The following GUK1 variants were observed in gnomAD, a reference collection of about 807,000 sequenced individuals.
The protein encoded by GUK1 is guanylate kinase 1, also known as guanylate kinase.
Under a neutral mutation model 25.2 loss-of-function variants are expected in GUK1, and 18 were observed. The ratio of observed to expected loss-of-function variants is 0.71; its 90% CI spans 0.49 to 1.06. The LOEUF (loss-of-function observed/expected upper bound fraction) is 1.06. Ranked by LOEUF, GUK1 falls within the 50% of genes least tolerant of loss-of-function variation. The probability of loss-of-function intolerance (pLI) is 0.00; values close to 1 mark genes in which losing one functional copy is unlikely to be tolerated. For missense variants in GUK1, 261 were observed against 276.7 expected, an observed-to-expected ratio of 0.94 and a Z score of 0.40; for synonymous variants, 105 against 117.6, an observed-to-expected ratio of 0.89 and a Z score of 0.69.
rs1167154932 is a variant in GUK1 at position 228,147,497 on chromosome 1, C to T, written c.343C>T (p.Leu115=). 6.2e-7 allele frequency: 1 copy of T among 1,613,198 alleles called. No individual in the cohort carries two copies. The highest frequency in any genetic ancestry group is 8.5e-7 in the Non-Finnish European group (1 of 1,179,982). ...TGTGCGGAACATCAAGGCCACCGAT[C>T]TGCGGCCCATCTACATCTCTGTGCA... The change falls in exon 6 of 9, where the codon CTG becomes TTG. Residue 115 remains leucine (L), a synonymous_variant. Coordinates refer to ENST00000312726, the MANE Select transcript of GUK1 (RefSeq NM_000858.7).
rs2034460160 is a variant in GUK1 at position 228,147,641 on chromosome 1, T to C, written c.417T>C (p.Thr139=). Residue 139 remains threonine (T), a synonymous_variant, in exon 7 of 9, where the codon ACT becomes ACC. Transcript: ENST00000312726. ...AGCAGCGGCTGCGGCAGCGCAACAC[T>C]GAAACCGAGGAGAGCCTGGTGAAGC... 6.2e-7 allele frequency: 1 copy of C among 1,613,002 alleles called. No individual in the cohort carries two copies. Among genetic ancestry groups the C allele is most frequent in the Middle Eastern group, 1.6e-4 (1 of 6,062 alleles).
intron 2 of GUK1, chr1:228,141,338 C>A: frequency 1.2e-6 from 1 of 825,670 alleles, no homozygotes; most frequent in Non-Finnish European, 1.5e-6. Flanking sequence ...AAAATGAAAG[C>A]GCCCTGGCTG....
rs368005156 is a variant in GUK1 at position 228,146,983 on chromosome 1, G to T, written c.251+45G>T. ...GGGTGGGCTCCCAGGGTTGCTGTTGGCAACAGGGATCCAGGTAGTGCCTGC... is the reference window on the plus strand; with the variant it reads ...GGGTGGGCTCCCAGGGTTGCTGTTGTCAACAGGGATCCAGGTAGTGCCTGC... On this transcript the variant is annotated intron_variant, in intron 5 of 8. Transcript: ENST00000312726. 1.1e-5 allele frequency: 14 copies of T among 1,274,378 alleles called. No homozygotes were observed. The Admixed American group carries it at 1.8e-4, about 17-fold the overall frequency. The allele number at this position is 1,274,378 out of a possible 1,614,324, so 78.9% of individuals were successfully genotyped here. A position where few individuals can be genotyped will look rare whatever the true frequency, so the allele number is the denominator to read the frequency against.
chr1:228,143,321 A>G (rs2034163320), intron 2 of GUK1, among the ~76,000 whole-genome samples: 1 of 152,226 alleles, frequency 6.6e-6, no homozygotes, highest in South Asian at 2.1e-4. Flanking sequence ...ACAGGACAGA[A>G]GCTCACATGG....
chr1:228,140,334 C>T lies in GUK1; in HGVS notation c.-197C>T. The T allele has an allele frequency of 6.5e-7, 1 of 1,528,822 alleles. No homozygotes were observed. The highest frequency in any genetic ancestry group is 8.7e-7 in the Non-Finnish European group (1 of 1,144,624). 94.7% of individuals were successfully genotyped at this position (1,528,822 alleles called of 1,614,324 possible). A position where few individuals can be genotyped will look rare whatever the true frequency, so the allele number is the denominator to read the frequency against. ...CGGCGCCCGCTGGCCGGGCTGGCTGCGGCCGCCCTGGGCCGGGCCCCACCG... is the reference window on the plus strand; with the variant it reads ...CGGCGCCCGCTGGCCGGGCTGGCTGTGGCCGCCCTGGGCCGGGCCCCACCG... On this transcript the variant is annotated 5_prime_UTR_variant, in exon 1 of 9. Transcript: ENST00000312726.
intron 2 of GUK1, among the ~76,000 whole-genome samples, chr1:228,142,017 G>A (rs369448996): frequency 2.6e-5 from 4 of 152,394 alleles, no homozygotes; most frequent in African/African-American, 9.6e-5. Context: ...AAGATTGCAG[G>A]AGCCTTGAGG....
chr1:228,142,014 C>A (rs2034084993), intron 2 of GUK1, among the ~76,000 whole-genome samples: 1 of 152,288 alleles, frequency 6.6e-6, no homozygotes, highest in South Asian at 2.1e-4. Flanking sequence ...CGCAAGATTG[C>A]AGGAGCCTTG....
At chr1:228,148,325 G>T in intron 7 of GUK1, 46 bp from the exon 7 acceptor site, 2 of 1,339,480 alleles carry the variant, frequency 1.5e-6, no homozygotes, top group Non-Finnish European at 2.1e-6. Context: ...ACCTGGGGTG[G>T]GGCTGCATGG....
rs373045230 is a variant in GUK1 at position 228,147,526 on chromosome 1, G to A, written c.372G>A (p.Pro124=). The change falls in exon 6 of 9, where the codon CCG becomes CCA. Residue 124 remains proline (P), a synonymous_variant. Transcript: ENST00000312726. ...GGCCCATCTACATCTCTGTGCAGCC[G>A]CCTTCACTGCACGTGCTGGTGTGTG... is the stretch of plus-strand genomic sequence containing the variant. The A allele has an allele frequency of 1.4e-5, 22 of 1,613,222 alleles. No individual in the cohort carries two copies. The African/African-American group carries it at 2.0e-4, about 15-fold the overall frequency.
intron 4 of GUK1, 54 bp from the exon 4 acceptor site, chr1:228,146,788 G>A: frequency 2.4e-6 from 3 of 1,233,176 alleles, no homozygotes; most frequent in Non-Finnish European, 3.6e-6. Context: ...GCTGGCCCTG[G>A]GCACCCTGGT....
At chr1:228,141,007 T>C (rs1282579033) in intron 1 of GUK1, 2 of 238,654 alleles carry the variant, frequency 8.4e-6, no homozygotes, top group African/African-American at 4.6e-5. Flanking sequence ...CAAAGTTGAT[T>C]TTGACCCTGC....
chr1:228,147,965 G>A lies in GUK1; in HGVS notation c.475+266G>A, dbSNP rs117254860. 2,237 of 583,696 alleles carry A rather than the reference G, an allele frequency of 3.8e-3. 42 individuals are homozygous for A. Among genetic ancestry groups the A allele is most frequent in the Admixed American group, 0.028 (892 of 31,966 alleles). 36.2% of individuals were successfully genotyped at this position (583,696 alleles called of 1,614,324 possible). Reference sequence around the variant, plus strand: ...CGTGAGGGCCCCCAGACCCCCCATCGCCCAGGGTCCCATGAGATGTCCCCA... The same window carrying A: ...CGTGAGGGCCCCCAGACCCCCCATCACCCAGGGTCCCATGAGATGTCCCCA... On this transcript the variant is annotated intron_variant, in intron 7 of 8. Transcript: ENST00000312726.
rs1332541656 is a variant in GUK1 at position 228,140,280 on chromosome 1, GTGGGCGGAAGAGGTGGC to G, written c.-250_-234del. The G allele has an allele frequency of 7.2e-6, 11 of 1,529,512 alleles. No homozygotes were observed. The highest frequency in any genetic ancestry group is 1.7e-4 in the Middle Eastern group (1 of 5,902). 94.7% of individuals were successfully genotyped at this position (1,529,512 alleles called of 1,614,324 possible). A position where few individuals can be genotyped will look rare whatever the true frequency, so the allele number is the denominator to read the frequency against. The stretch of plus-strand genomic sequence containing the variant: ...GGTGCGGCGCTGTCACGTAGGTTCA[GTGGGCGGAAGAGGTGGC>G]CCCGGATGCTGCGGCGCCCGCTGGC... On this transcript the variant is annotated 5_prime_UTR_variant, in exon 1 of 9. Coordinates refer to ENST00000312726, the MANE Select transcript of GUK1 (RefSeq NM_000858.7).
chr1:228,146,399 A>C, intron 4 of GUK1: 1 of 466,404 alleles, frequency 2.1e-6, no homozygotes, highest in Non-Finnish European at 3.8e-6. Context: ...TCCTGGTAAA[A>C]AGGGCTACTC....
intron 2 of GUK1, chr1:228,141,651 G>A: frequency 8.2e-7 from 1 of 1,215,692 alleles, no homozygotes; most frequent in Non-Finnish European, 1.1e-6. Flanking sequence ...GAAGCCAGAA[G>A]GAGGAGATTA....
At chr1:228,141,361 TC>T in intron 2 of GUK1, 1 of 685,310 alleles carries the variant, frequency 1.5e-6, no homozygotes, top group Non-Finnish European at 1.8e-6. Flanking sequence ...CCTGGTGTGG[TC>T]CCATTTAAAA....
At chr1:228,140,243 C>G, upstream of GUK1, 1 of 1,386,450 alleles carries the variant, frequency 7.2e-7, no homozygotes, top group Non-Finnish European at 9.8e-7. Flanking sequence ...CGCGCGCGGG[C>G]GGAGGTGGGC....
intron 3 of GUK1, 69 bp from the exon 3 acceptor site, chr1:228,145,957 G>A (rs891776623): frequency 3.4e-6 from 4 of 1,181,666 alleles, no homozygotes; most frequent in African/African-American, 3.0e-5. Context: ...TGTCGGGACT[G>A]CAAGGGAAAC....
intron 5 of GUK1, 56 bp downstream of exon 4, chr1:228,146,994 C>A: frequency 9.0e-7 from 1 of 1,112,164 alleles, no homozygotes; most frequent in Non-Finnish European, 1.4e-6. Context: ...CAACAGGGAT[C>A]CAGGTAGTGC....
Sources: gnomAD v4.1 joint callset for allele counts (sites outside exome capture counted in the v4.1 genomes callset) on GRCh38, gnomAD v4.1.1 for gene constraint, MANE v1.5 for transcripts, NCBI Gene and HGNC (gene_info 2026-07-23, HGNC 2026-07-21) for gene names.